The following ZFAT variants were observed in gnomAD, a reference collection of about 807,000 sequenced individuals.
ZFAT encodes zinc finger protein ZFAT.
Under a neutral mutation model 117.7 loss-of-function variants are expected in ZFAT, and 64 were observed. The observed-to-expected ratio is 0.54, with a 90% CI of 0.44 to 0.67. ZFAT has a LOEUF of 0.67. Among genes scored for constraint, ZFAT ranks in the 30% least tolerant of loss-of-function variants. The pLI is 0.00. For synonymous variants in ZFAT, 679 were observed against 615.0 expected (o/e 1.10, Z -1.54); for missense variants, 1,433 against 1,584.5 (o/e 0.90, Z 1.62).
At chr8:134,714,290 C>A (rs1280883181), upstream of ZFAT, among the ~76,000 whole-genome samples, 1 of 152,154 alleles carries the variant, frequency 6.6e-6, no homozygotes, top group African/African-American at 2.4e-5. Flanking sequence ...GTTCACACTT[C>A]ATGTTCCCAC....
chr8:134,538,568 C>T (rs549180607), intron 11 of ZFAT, among the ~76,000 whole-genome samples: 39 of 152,056 alleles, frequency 2.6e-4, no homozygotes, highest in Non-Finnish European at 5.4e-4. Flanking sequence ...GAGGCTGAGG[C>T]GGGCAGATCA....
At chr8:134,685,308 C>T (rs1563762123) in intron 1 of ZFAT, among the ~76,000 whole-genome samples, 1 of 152,160 alleles carries the variant, frequency 6.6e-6, no homozygotes, top group Non-Finnish European at 1.5e-5. Flanking sequence ...TGCCCACCCA[C>T]CTGGTACCTA....
At chr8:134,678,016 CAT>C (rs1356147854) in intron 1 of ZFAT, among the ~76,000 whole-genome samples, 1 of 152,208 alleles carries the variant, frequency 6.6e-6, no homozygotes, top group East Asian at 1.9e-4. Flanking sequence ...AAACTGGAAG[CAT>C]TCCCTTTGAA....
At chr8:134,522,947 A>AT (rs1254117827) in intron 12 of ZFAT, among the ~76,000 whole-genome samples, 1 of 152,166 alleles carries the variant, frequency 6.6e-6, no homozygotes. Context: ...GTACTATACA[A>AT]TTCTGTCCCT....
the ZFAT span, among the ~76,000 whole-genome samples, chr8:134,824,977 C>T: frequency 6.6e-6 from 1 of 152,110 alleles, no homozygotes; most frequent in African/African-American, 2.4e-5. Flanking sequence ...GATTGGTAAA[C>T]TTGAATTTTC....
At chr8:134,749,072 T>C in the ZFAT span, among the ~76,000 whole-genome samples, 1 of 152,218 alleles carries the variant, frequency 6.6e-6, no homozygotes, top group South Asian at 2.1e-4. Flanking sequence ...GTTACAAATG[T>C]GTCCTCCCAC....
Position 134,600,264 on chromosome 8 carries a change from G to C in ZFAT, c.2475+172C>G. ...TTTTTTCAACGTATTAGAGACTCTT[G>C]CTGTGAAAGGAACCTGGGAAGCCTC... On this transcript the variant is annotated intron_variant, in intron 7 of 15. Coordinates refer to ENST00000377838, the MANE Select transcript of ZFAT (RefSeq NM_020863.4). 4.4e-6 allele frequency: 3 copies of C among 688,132 alleles called. No homozygotes were observed. In the South Asian group the frequency reaches 5.2e-5, roughly 12 times the overall value. The allele number at this position is 688,132 out of a possible 1,614,324, so 42.6% of individuals were successfully genotyped here. A position where few individuals can be genotyped will look rare whatever the true frequency, so the allele number is the denominator to read the frequency against.
chr8:134,643,582 C>T (rs140499178), intron 2 of ZFAT, among the ~76,000 whole-genome samples: 228 of 152,314 alleles, frequency 1.5e-3, no homozygotes, highest in Non-Finnish European at 2.6e-3. Context: ...AAAGTCACAG[C>T]CATGCCACTT....
chr8:134,601,275 C>T (rs928395851), intron 6 of ZFAT, among the ~76,000 whole-genome samples: 9 of 152,210 alleles, frequency 5.9e-5, no homozygotes, highest in Non-Finnish European at 1.2e-4. Context: ...CCAACACAGT[C>T]AACTGTGCAG....
At chr8:134,787,106 C>T in the ZFAT span, among the ~76,000 whole-genome samples, 2 of 152,178 alleles carry the variant, frequency 1.3e-5, no homozygotes, top group Non-Finnish European at 1.5e-5. Flanking sequence ...GCCTCAGCCT[C>T]CCAGTGCTAG....
At chr8:134,796,350 T>A in the ZFAT span, 1 of 152,098 alleles carries the variant, frequency 6.6e-6, no homozygotes, top group Non-Finnish European at 1.5e-5. Flanking sequence ...TCTGACACTA[T>A]CTCCCAGTAG....
At chr8:134,515,458 C>G (rs921730838) in intron 13 of ZFAT, among the ~76,000 whole-genome samples, 1 of 152,222 alleles carries the variant, frequency 6.6e-6, no homozygotes, top group Admixed American at 6.5e-5. Flanking sequence ...TCTCCACATC[C>G]TCTCCACCAT....
chr8:134,798,241 G>GA, the ZFAT span: 1 of 151,796 alleles, frequency 6.6e-6, no homozygotes, highest in African/African-American at 2.4e-5. Context: ...AAAATTCACA[G>GA]AAAAAAGTTC....
chr8:134,786,968 C>A, the ZFAT span, among the ~76,000 whole-genome samples: 3 of 152,028 alleles, frequency 2.0e-5, no homozygotes, highest in South Asian at 4.2e-4. Context: ...CCTGCCCCAG[C>A]CTGCCAAGTA....
intron 13 of ZFAT, among the ~76,000 whole-genome samples, chr8:134,518,947 A>G (rs1820439626): frequency 6.6e-6 from 1 of 152,158 alleles, no homozygotes. Flanking sequence ...ATCATATACT[A>G]AATTTCCATA....
At chr8:134,731,592 G>A in the ZFAT span, among the ~76,000 whole-genome samples, 44 of 152,312 alleles carry the variant, frequency 2.9e-4, no homozygotes, top group African/African-American at 1.0e-3. Context: ...AAAAGCAGAT[G>A]GAATACACAG....
At chr8:134,481,145 T>C (rs111917678) in intron 15 of ZFAT, among the ~76,000 whole-genome samples, 10 of 152,278 alleles carry the variant, frequency 6.6e-5, no homozygotes, top group African/African-American at 2.4e-4. Context: ...ACTGGGAAAA[T>C]GTACCATGAA....
intron 3 of ZFAT, among the ~76,000 whole-genome samples, chr8:134,624,921 A>T (rs1187034585): frequency 6.6e-6 from 1 of 150,774 alleles, no homozygotes; most frequent in Admixed American, 6.6e-5. Flanking sequence ...ATTGCCCAAG[A>T]ACTAATTAAA....
the ZFAT span, among the ~76,000 whole-genome samples, chr8:134,808,500 G>A: frequency 2.6e-5 from 4 of 152,228 alleles, no homozygotes; most frequent in African/African-American, 9.6e-5. Flanking sequence ...GAACAACCAA[G>A]TACCTGGTGA....
Sources: allele counts gnomAD v4.1 joint callset (sites outside exome capture counted in the v4.1 genomes callset), GRCh38; gene constraint gnomAD v4.1.1; transcripts MANE v1.5; gene names NCBI Gene and HGNC (gene_info 2026-07-23, HGNC 2026-07-21).